Variants in R3HDM4 observed in about 807,000 individuals in gnomAD.
R3HDM4 encodes the protein R3H domain containing 4, also known as R3H domain-containing protein 4.
Under a neutral mutation model 31.3 loss-of-function variants are expected in R3HDM4, and 30 were observed. The ratio of observed to expected loss-of-function variants is 0.96; its 90% confidence interval spans 0.72 to 1.30. R3HDM4 has a LOEUF of 1.30. Ranked by LOEUF, R3HDM4 falls within the 50% of genes most tolerant of loss-of-function variation. The pLI, the probability that R3HDM4 is intolerant of heterozygous loss-of-function variation, is 0.00. For missense variants in R3HDM4, 444 were observed against 366.1 expected (o/e 1.21, Z -1.74); for synonymous variants, 196 against 156.6 (o/e 1.25, Z -1.88).
intron 2 of R3HDM4, 21 bp downstream of exon 2, chr19:901,955 C>T (rs4343405): frequency 0.28 from 448,995 of 1,611,654 alleles, 66,672 homozygotes; most frequent in Non-Finnish European, 0.31. Flanking sequence ...CCCCAGGAGG[C>T]GCCTCCCGAC....
In R3HDM4 at chr19:896,871, G is replaced by A. The variant is rs2036744870; in HGVS notation, c.*566C>T. 6.6e-6 allele frequency: 1 copy of A among 152,284 alleles called. No homozygotes were observed. Among genetic ancestry groups the A allele is most frequent in the Non-Finnish European group, 1.5e-5 (1 of 68,074 alleles). 9.4% of individuals were successfully genotyped at this position (152,284 alleles called of 1,614,324 possible). A position where few individuals can be genotyped will look rare whatever the true frequency, so the allele number is the denominator to read the frequency against. Reference sequence around the variant, plus strand: ...ACCGGCTCTTAGGACCGTGGCTTCTGTCCTGGGTCTCAGGGCACACGCGCG... The same window carrying A: ...ACCGGCTCTTAGGACCGTGGCTTCTATCCTGGGTCTCAGGGCACACGCGCG... On this transcript the variant is annotated 3_prime_UTR_variant, in exon 8 of 8. Transcript: ENST00000361574. The surrounding 1 kb of genome is among the most constrained non-coding windows in gnomAD (Gnocchi z 4.0).
In R3HDM4 at chr19:899,365, CA is replaced by C. The variant is rs2036791882; in HGVS notation, c.703+74del. The C allele has an allele frequency of 6.7e-7, 1 of 1,497,798 alleles. No homozygotes were observed. 92.8% of individuals were successfully genotyped at this position (1,497,798 alleles called of 1,614,324 possible). On this transcript the variant is annotated intron_variant, in intron 7 of 7. Transcript: ENST00000361574. The surrounding 1 kb of genome is among the most constrained non-coding windows in gnomAD (Gnocchi z 6.8). ...CCCACCAAGCCCCACTCTGAGGAACCAGGCCCCTGGGACCCTGGCCACTTTC... is the reference window on the plus strand; with the variant it reads ...CCCACCAAGCCCCACTCTGAGGAACCGGCCCCTGGGACCCTGGCCACTTTC...
intron 1 of R3HDM4, among the ~76,000 whole-genome samples, chr19:912,064 G>A (rs1206248544): frequency 2.3e-4 from 31 of 132,480 alleles, no homozygotes; most frequent in South Asian, 8.4e-4. Flanking sequence ...GGAGTGGGGG[G>A]GCAGACCCGG....
chr19:903,956 C>T (rs1442935077), intron 1 of R3HDM4, among the ~76,000 whole-genome samples: 1 of 151,988 alleles, frequency 6.6e-6, no homozygotes, highest in Non-Finnish European at 1.5e-5. Context: ...GAGGCTGAGG[C>T]AGGAGAATGG....
At chr19:906,732 C>T (rs1156278622) in intron 1 of R3HDM4, among the ~76,000 whole-genome samples, 1 of 152,144 alleles carries the variant, frequency 6.6e-6, no homozygotes, top group African/African-American at 2.4e-5. Context: ...CCACATTGGG[C>T]TCATTTCCTG....
In R3HDM4 at chr19:901,485, G is replaced by C; in HGVS notation, c.288C>G (p.Asp96Glu). 6.2e-7 allele frequency: 1 copy of C among 1,609,520 alleles called. No homozygotes were observed. Among genetic ancestry groups the C allele is most frequent in the Non-Finnish European group, 8.5e-7 (1 of 1,179,748 alleles). ...TGCCTGGTGATGCAGGGGGTGCCAA[G>C]TCCCCATCCTCCAGGCCAGGCAGGC... Reference protein sequence around the residue: ...DGGLPGLEDGDLAPPASPGIF... With the variant: ...DGGLPGLEDGELAPPASPGIF... Residue 96 changes from aspartate to glutamate, a missense_variant, in exon 3 of 8, where the codon GAC (aspartate) becomes GAG (glutamate). Asp to Glu is a conservative substitution (Grantham distance 45). Transcript: ENST00000361574.
At chr19:901,247 G>C (rs972670370) in intron 3 of R3HDM4, 175 bp downstream of exon 3, 1 of 726,474 alleles carries the variant, frequency 1.4e-6, no homozygotes, top group African/African-American at 1.8e-5. Flanking sequence ...GGTTCCAGGG[G>C]TGGGGTGGGG....
At position 899,470 on chromosome 19, in the gene R3HDM4, C is replaced by G. The variant is rs1568339414; in HGVS notation, c.673G>C (p.Val225Leu). Residue 225 changes from valine to leucine, a missense_variant, in exon 7 of 8, where the codon GTC becomes CTC. Coordinates refer to ENST00000361574, the MANE Select transcript of R3HDM4 (RefSeq NM_138774.4). This position sits in a 1 kb window ranked among gnomAD's most constrained non-coding sequence, Gnocchi z 6.8. ...NSFERLLLHA[V>L]CQYMDLISAS... is the part of the protein sequence containing the mutation. ...GAGATGAGGTCCATGTACTGGCAGA[C>G]AGCGTGCAGCAGAAGCCTCTCGAAG... 2 of 1,613,662 alleles carry G rather than the reference C, an allele frequency of 1.2e-6. No homozygotes were observed. The highest frequency in any genetic ancestry group is 1.7e-6 in the Non-Finnish European group (2 of 1,179,954).
chr19:897,571 G>C (rs3746149), intron 7 of R3HDM4, 31 bp from the exon 8 acceptor site: 585,794 of 1,558,294 alleles, frequency 0.38, 113,236 homozygotes, highest in Middle Eastern at 0.48. Context: ...GCAAGAACGG[G>C]AGGAATTTGG....
At chr19:901,848 T>A in intron 2 of R3HDM4, 128 bp downstream of exon 2, 1 of 1,048,752 alleles carries the variant, frequency 9.5e-7, no homozygotes, top group Non-Finnish European at 1.3e-6. Flanking sequence ...GGCCTACAGC[T>A]GACACCTCTT....
intron 1 of R3HDM4, among the ~76,000 whole-genome samples, chr19:903,698 G>T (rs1429199443): frequency 6.6e-6 from 1 of 152,180 alleles, no homozygotes; most frequent in East Asian, 1.9e-4. Context: ...TGAGGCTGCG[G>T]TGAGCTGTGA....
In R3HDM4 at chr19:900,809, C is replaced by G. The variant is rs747797370; in HGVS notation, c.475+20G>C. The stretch of plus-strand genomic sequence containing the variant: ...TCCATACCCTGGCCCCACCCATACC[C>G]GCCCCAGCCAGGCCCGCACCTCTCC... On this transcript the variant is annotated intron_variant, in intron 4 of 7. Transcript: ENST00000361574. The G allele has an allele frequency of 3.8e-5, 56 of 1,484,128 alleles. No individual in the cohort carries two copies. In the South Asian group the frequency reaches 6.7e-4, roughly 18 times the overall value. The allele number at this position is 1,484,128 out of a possible 1,614,324, so 91.9% of individuals were successfully genotyped here.
intron 2 of R3HDM4, 99 bp downstream of exon 2, chr19:901,877 C>A (rs1599358579): frequency 1.4e-6 from 2 of 1,471,922 alleles, no homozygotes; most frequent in Non-Finnish European, 1.9e-6. Flanking sequence ...CAGCCCCACC[C>A]AGGCACAGCT....
chr19:912,663 G>A (rs1283065512), intron 1 of R3HDM4, among the ~76,000 whole-genome samples: 1 of 127,774 alleles, frequency 7.8e-6, no homozygotes, highest in African/African-American at 3.0e-5. Context: ...CGAGGAGTTG[G>A]GGGGCGGACC....
At chr19:910,505 G>A (rs1028195601) in intron 1 of R3HDM4, among the ~76,000 whole-genome samples, 1 of 152,034 alleles carries the variant, frequency 6.6e-6, no homozygotes, top group African/African-American at 2.4e-5. Context: ...GGTAGCTCAC[G>A]CCTGTAATCC....
In R3HDM4 at chr19:899,331, C is replaced by A; in HGVS notation, c.703+109G>T. On this transcript the variant is annotated intron_variant, in intron 7 of 7. Transcript: ENST00000361574. This position sits in a 1 kb window ranked among gnomAD's most constrained non-coding sequence, Gnocchi z 6.8. ...GTAGCGTCCCCACTCCAGCCCCCTTCCCCACCTCCCCACCAAGCCCCACTC... is the reference window on the plus strand; with the variant it reads ...GTAGCGTCCCCACTCCAGCCCCCTTACCCACCTCCCCACCAAGCCCCACTC... 2.2e-4 allele frequency: 230 copies of A among 1,022,794 alleles called. No individual in the cohort carries two copies. Among genetic ancestry groups the A allele is most frequent in the Middle Eastern group, 5.3e-4 (2 of 3,744 alleles). 63.4% of individuals were successfully genotyped at this position (1,022,794 alleles called of 1,614,324 possible). A position where few individuals can be genotyped will look rare whatever the true frequency, so the allele number is the denominator to read the frequency against.
intron 7 of R3HDM4, among the ~76,000 whole-genome samples, chr19:897,749 C>T (rs1001210775): frequency 1.3e-5 from 2 of 152,234 alleles, no homozygotes; most frequent in Non-Finnish European, 2.9e-5. Flanking sequence ...GGAGCACTCT[C>T]CTCGGGCCCA....
chr19:908,183 C>A (rs1175141103), intron 1 of R3HDM4, among the ~76,000 whole-genome samples: 1 of 151,824 alleles, frequency 6.6e-6, no homozygotes, highest in Non-Finnish European at 1.5e-5. Flanking sequence ...CACAGCAAGA[C>A]TCTGTCTCCC....
intron 1 of R3HDM4, among the ~76,000 whole-genome samples, 163 bp downstream of exon 1, chr19:912,924 C>T (rs960382145): frequency 6.7e-6 from 1 of 149,946 alleles, no homozygotes; most frequent in Non-Finnish European, 1.5e-5. Flanking sequence ...GAAGGGAAGG[C>T]AGGACAGGCT....
Sources: allele counts gnomAD v4.1 joint callset (sites outside exome capture counted in the v4.1 genomes callset), GRCh38; gene constraint gnomAD v4.1.1; non-coding constraint Gnocchi (gnomAD v3.1); transcripts MANE v1.5; gene names NCBI Gene and HGNC (gene_info 2026-07-23, HGNC 2026-07-21).